ADGRB3: variants seen among roughly 807,000 people sequenced by gnomAD.
ADGRB3 encodes adhesion G protein-coupled receptor B3.
Under a neutral mutation model 193.4 loss-of-function variants are expected in ADGRB3, and 37 were observed. The ratio of observed to expected loss-of-function variants is 0.19; its 90% CI spans 0.15 to 0.25. The LOEUF is 0.25. Ranked by LOEUF, ADGRB3 falls within the 10% of genes least tolerant of loss-of-function variation. ADGRB3 has a pLI of 1.00. For missense variants in ADGRB3, 1,637 were observed against 1,852.9 expected (o/e 0.88, Z 2.14); for synonymous variants, 690 against 644.2 (o/e 1.07, Z -1.08).
At chr6:69,126,300 G>A (rs138442738) in intron 17 of ADGRB3, among the ~76,000 whole-genome samples, 3 of 152,144 alleles carry the variant, frequency 2.0e-5, no homozygotes, top group Admixed American at 6.5e-5. Context: ...CATATGAGAG[G>A]AGATTTGTTA....
At chr6:68,859,241 C>T (rs1435478176) in intron 3 of ADGRB3, among the ~76,000 whole-genome samples, 1 of 152,152 alleles carries the variant, frequency 6.6e-6, no homozygotes, top group Non-Finnish European at 1.5e-5. Flanking sequence ...ACCACCTCAG[C>T]CTGTTATTGT....
intron 17 of ADGRB3, among the ~76,000 whole-genome samples, chr6:69,228,151 G>A (rs1469328286): frequency 3.3e-5 from 5 of 152,192 alleles, no homozygotes; most frequent in Non-Finnish European, 5.9e-5. Context: ...CAGCTACTCG[G>A]GAGGCTGAGG....
At chr6:69,158,222 CT>C (rs1191701880) in intron 17 of ADGRB3, among the ~76,000 whole-genome samples, 1 of 151,786 alleles carries the variant, frequency 6.6e-6, no homozygotes, top group Non-Finnish European at 1.5e-5. Context: ...TATTTTCCCC[CT>C]CACACCTACA....
At chr6:68,918,285 T>C (rs1291803123) in intron 3 of ADGRB3, among the ~76,000 whole-genome samples, 1 of 152,168 alleles carries the variant, frequency 6.6e-6, no homozygotes. Flanking sequence ...ATGTAAGAGA[T>C]GCCGTCCCTA....
chr6:68,972,266 C>T (rs1280564303), intron 8 of ADGRB3, among the ~76,000 whole-genome samples: 1 of 152,170 alleles, frequency 6.6e-6, no homozygotes, highest in Non-Finnish European at 1.5e-5. Context: ...GATAGGTCCT[C>T]TCCTACTCAT....
At chr6:68,698,782 A>T (rs1765195195) in intron 3 of ADGRB3, among the ~76,000 whole-genome samples, 1 of 152,098 alleles carries the variant, frequency 6.6e-6, no homozygotes, top group African/African-American at 2.4e-5. Flanking sequence ...GATCTGCTAA[A>T]TAGACGGTGT....
chr6:69,292,435 G>A (rs960853873), intron 20 of ADGRB3, among the ~76,000 whole-genome samples: 2 of 152,076 alleles, frequency 1.3e-5, no homozygotes, highest in Non-Finnish European at 2.9e-5. Flanking sequence ...CTTTCTCAGA[G>A]TTCCTGAACT....
At chr6:68,757,704 A>C (rs1582176681) in intron 3 of ADGRB3, among the ~76,000 whole-genome samples, 2 of 152,092 alleles carry the variant, frequency 1.3e-5, no homozygotes, top group East Asian at 3.9e-4. Flanking sequence ...AAACAGAAAA[A>C]AAATTTAAAA....
At chr6:69,145,339 T>C (rs1354644646) in intron 17 of ADGRB3, among the ~76,000 whole-genome samples, 1 of 152,100 alleles carries the variant, frequency 6.6e-6, no homozygotes, top group Admixed American at 6.5e-5. Context: ...GGACAAGGTG[T>C]CCCACAACAG....
At chr6:69,186,244 A>G (rs534674746) in intron 17 of ADGRB3, among the ~76,000 whole-genome samples, 4 of 151,182 alleles carry the variant, frequency 2.6e-5, no homozygotes, top group Non-Finnish European at 2.9e-5. Flanking sequence ...TAAACTTTCT[A>G]TGTTATCTTT....
chr6:68,796,894 T>A (rs1435699781), intron 3 of ADGRB3, among the ~76,000 whole-genome samples: 3 of 152,180 alleles, frequency 2.0e-5, no homozygotes, highest in African/African-American at 7.2e-5. Context: ...TTGTATATCC[T>A]ACTTTGCAAA....
intron 3 of ADGRB3, among the ~76,000 whole-genome samples, chr6:68,758,981 G>T (rs1766346108): frequency 6.6e-6 from 1 of 152,092 alleles, no homozygotes; most frequent in South Asian, 2.1e-4. Context: ...AATTTCAAGA[G>T]CACTTACATT....
intron 3 of ADGRB3, among the ~76,000 whole-genome samples, chr6:68,669,577 A>G (rs1768892007): frequency 6.8e-6 from 1 of 147,622 alleles, no homozygotes; most frequent in African/African-American, 2.5e-5. Flanking sequence ...ACAGGATCCC[A>G]GTTTTTTATG....
At chr6:68,836,330 T>G (rs992795596) in intron 3 of ADGRB3, among the ~76,000 whole-genome samples, 2 of 149,442 alleles carry the variant, frequency 1.3e-5, no homozygotes, top group Non-Finnish European at 3.0e-5. Flanking sequence ...ATGGGTTCAC[T>G]CTTTACTTCT....
At chr6:69,040,707 A>AAAAAAAAAAAAT (rs1771038176) in intron 13 of ADGRB3, among the ~76,000 whole-genome samples, 5 of 60,394 alleles carry the variant, frequency 8.3e-5, no homozygotes, top group African/African-American at 3.4e-4. Flanking sequence ...AAAAAAAAAA[A>AAAAAAAAAAAAT]AACAAACAAG....
At chr6:69,189,007 AC>A (rs563610726) in intron 17 of ADGRB3, among the ~76,000 whole-genome samples, 12 of 152,348 alleles carry the variant, frequency 7.9e-5, no homozygotes, top group Non-Finnish European at 1.3e-4. Flanking sequence ...AGATTTTTAA[AC>A]TTAATTAAAC....
rs569994561 is a variant in ADGRB3 at position 68,930,539 on chromosome 6, T to A, written c.758-20T>A. On this transcript the variant is annotated intron_variant, in intron 3 of 31. Transcript: ENST00000370598. The stretch of plus-strand genomic sequence containing the variant: ...AAATGTCTACACACAAGCTTTCATA[T>A]ACCTTTATTCTGTCTTTAGAATTTG... 11 of 1,546,334 alleles carry A rather than the reference T, an allele frequency of 7.1e-6. No individual in the cohort carries two copies. The highest frequency in any genetic ancestry group is 8.0e-6 in the Non-Finnish European group (9 of 1,124,596).
chr6:68,876,622 C>T (rs941836591), intron 3 of ADGRB3, among the ~76,000 whole-genome samples: 2 of 152,006 alleles, frequency 1.3e-5, no homozygotes, highest in African/African-American at 4.8e-5. Context: ...TTTTGTTTTC[C>T]ATATATTGTT....
chr6:69,297,368 T>TCTTTCTCTC (rs1767846054), intron 20 of ADGRB3, among the ~76,000 whole-genome samples: 7 of 97,610 alleles, frequency 7.2e-5, no homozygotes, highest in African/African-American at 2.8e-4. Flanking sequence ...CTCTCTCTCT[T>TCTTTCTCTC]TCTCTCTCTC....
Sources: gnomAD v4.1 joint callset for allele counts (sites outside exome capture counted in the v4.1 genomes callset) on GRCh38, gnomAD v4.1.1 for gene constraint, MANE v1.5 for transcripts, NCBI Gene and HGNC (gene_info 2026-07-23, HGNC 2026-07-21) for gene names.